INA: variants seen among roughly 807,000 people sequenced by gnomAD.
The protein encoded by INA is internexin neuronal intermediate filament protein alpha, also known as alpha-internexin.
Under a neutral mutation model 40.1 loss-of-function variants are expected in INA, and 35 were observed. That is an observed-to-expected ratio of 0.87 (90% CI 0.67 to 1.16). INA has a LOEUF of 1.16. Among genes scored for constraint, INA ranks in the 50% most tolerant of loss-of-function variants. The pLI is 0.00. For missense variants in INA, 594 were observed against 686.7 expected (o/e 0.87, Z 1.51); for synonymous variants, 290 against 316.9 (o/e 0.92, Z 0.90).
At chr10:103,284,804 A>G (rs989007074) in intron 1 of INA, among the ~76,000 whole-genome samples, 2 of 151,588 alleles carry the variant, frequency 1.3e-5, no homozygotes, top group African/African-American at 2.4e-5. Context: ...AAGAGCTGAG[A>G]GCAGGGTGGC....
chr10:103,282,145 T>G (rs1215780249), intron 1 of INA, among the ~76,000 whole-genome samples: 1 of 152,240 alleles, frequency 6.6e-6, no homozygotes, highest in Non-Finnish European at 1.5e-5. Context: ...AGGAGCAAAG[T>G]TGTGCTTTTC....
chr10:103,286,853 G>A (rs1315920922), intron 1 of INA, among the ~76,000 whole-genome samples, 182 bp from the exon 2 acceptor site: 1 of 152,092 alleles, frequency 6.6e-6, no homozygotes, highest in Non-Finnish European at 1.5e-5. Flanking sequence ...TGCAAATGCT[G>A]GGACCCCACC....
intron 1 of INA, 97 bp from the exon 2 acceptor site, chr10:103,286,938 T>C: frequency 7.8e-7 from 1 of 1,289,344 alleles, no homozygotes; most frequent in Non-Finnish European, 1.1e-6. Flanking sequence ...ATTAGATGAT[T>C]TTAATGTGTA....
chr10:103,277,189 C>A lies in INA; in HGVS notation c.-23C>A. ...TTCTGTAGCTCGCGTTGAAGCCGCA[C>A]GTCCGGCCCCGATCCCGGCACCATG... On this transcript the variant is annotated 5_prime_UTR_variant, in exon 1 of 3. Coordinates refer to ENST00000369849, the MANE Select transcript of INA (RefSeq NM_032727.4). The surrounding 1 kb of genome is among the most constrained non-coding windows in gnomAD (Gnocchi z 5.6). The A allele has an allele frequency of 1.3e-6, 2 of 1,557,864 alleles. No individual in the cohort carries two copies. The highest frequency in any genetic ancestry group is 1.7e-6 in the Non-Finnish European group (2 of 1,158,250).
In INA at chr10:103,285,358, C is replaced by T. The variant is rs565811033; in HGVS notation, c.1066-1677C>T. Reference sequence around the variant, plus strand: ...TTGCCCAAGCTGGAGTGCGGTGGTACGATCTCAGCTCACTGCAACCTCTGC... The same window carrying T: ...TTGCCCAAGCTGGAGTGCGGTGGTATGATCTCAGCTCACTGCAACCTCTGC... On this transcript the variant is annotated intron_variant, in intron 1 of 2. Coordinates refer to ENST00000369849, the MANE Select transcript of INA (RefSeq NM_032727.4). 5.3e-5 allele frequency among the ~76,000 whole-genome samples: 8 copies of T among 150,042 alleles called. No homozygotes were observed. The East Asian group carries it at 7.9e-4, about 15-fold the overall frequency.
chr10:103,282,531 A>G (rs2093074914), intron 1 of INA, among the ~76,000 whole-genome samples: 1 of 152,190 alleles, frequency 6.6e-6, no homozygotes, highest in Non-Finnish European at 1.5e-5. Flanking sequence ...ATGAGCATCA[A>G]CACTAATCCA....
In INA at chr10:103,278,096, C is replaced by T. The variant is rs7096855; in HGVS notation, c.885C>T (p.Asn295=). Residue 295 remains asparagine, a synonymous_variant, in exon 1 of 3, where the codon AAC becomes AAT. Coordinates refer to ENST00000369849, the MANE Select transcript of INA (RefSeq NM_032727.4). This position sits in a 1 kb window ranked among gnomAD's most constrained non-coding sequence, Gnocchi z 4.9. ...ACAAGTCCAAGTTTGCCAACCTGAA[C>T]GAGCAGGCGGCGCGCAGCACCGAGG... ...EWYKSKFANL[N]EQAARSTEAI... is the part of the protein sequence containing the mutation. 19,793 of 1,613,466 alleles carry T rather than the reference C, an allele frequency of 0.012. 425 individuals carry two copies. Among genetic ancestry groups the T allele is most frequent in the South Asian group, 0.07 (6,386 of 91,080 alleles).
intron 1 of INA, among the ~76,000 whole-genome samples, chr10:103,283,254 T>C (rs979358895): frequency 2.0e-5 from 3 of 152,204 alleles, no homozygotes; most frequent in Non-Finnish European, 4.4e-5. Flanking sequence ...TATTTTCTTC[T>C]TTCTCCTTTT....
chr10:103,281,335 T>C lies in INA; in HGVS notation c.1065+3059T>C, dbSNP rs190738729. 6.6e-5 allele frequency among the ~76,000 whole-genome samples: 10 copies of C among 152,286 alleles called. No homozygotes were observed. The East Asian group carries it at 1.9e-3, about 29-fold the overall frequency. ...GTGGATCCTAAACCCAGTGACACTC[T>C]AAGGTCAATTGGGGGCTTAAAAAAA... On this transcript the variant is annotated intron_variant, in intron 1 of 2. Transcript: ENST00000369849.
chr10:103,277,225 C>A lies in INA; in HGVS notation c.14C>A (p.Ser5Ter). The A allele has an allele frequency of 1.3e-6, 2 of 1,580,690 alleles. No individual in the cohort carries two copies. The highest frequency in any genetic ancestry group is 1.1e-5 in the South Asian group (1 of 88,432). The change falls in exon 1 of 3, where the codon TCG (serine) becomes TAG (stop). Residue 5 changes from serine to a stop codon, truncating the protein, a stop_gained. Coordinates refer to ENST00000369849, the MANE Select transcript of INA (RefSeq NM_032727.4). LOFTEE classifies it high-confidence loss of function. The surrounding 1 kb of genome is among the most constrained non-coding windows in gnomAD (Gnocchi z 5.6). MSFG[S>*]EHYLCSSSSY... is the part of the protein sequence containing the mutation. ...GATCCCGGCACCATGAGCTTCGGCTCGGAGCACTACCTGTGCTCCTCCTCC... is the reference window on the plus strand; with the variant it reads ...GATCCCGGCACCATGAGCTTCGGCTAGGAGCACTACCTGTGCTCCTCCTCC...
chr10:103,278,440 T>C lies in INA; in HGVS notation c.1065+164T>C, dbSNP rs1395578886. ...TAACAAAAAACCCTGGAGTCTTTAA[T>C]GTTAATTTTAGGGAACGCCCCTCAT... On this transcript the variant is annotated intron_variant, in intron 1 of 2. Transcript: ENST00000369849. This position sits in a 1 kb window ranked among gnomAD's most constrained non-coding sequence, Gnocchi z 4.9. Among the ~76,000 whole-genome samples, 2 of 152,238 alleles carry C rather than the reference T, an allele frequency of 1.3e-5. No individual in the cohort carries two copies. Among genetic ancestry groups the C allele is most frequent in the Admixed American group, 1.3e-4 (2 of 15,288 alleles).
rs1160735307 is a variant in INA, at chr10:103,277,996, C to T, written c.785C>T (p.Thr262Ile). 1.9e-6 allele frequency: 3 copies of T among 1,597,406 alleles called. No individual in the cohort carries two copies. The highest frequency in any genetic ancestry group is 2.6e-6 in the Non-Finnish European group (3 of 1,172,834). ...VDVTVAKPDL[T>I]SALREIRAQY... is the part of the protein sequence containing the mutation. Reference sequence around the variant, plus strand: ...GTGACTGTGGCTAAACCAGACCTGACCTCGGCTCTGAGGGAGATCCGCGCC... The same window carrying T: ...GTGACTGTGGCTAAACCAGACCTGATCTCGGCTCTGAGGGAGATCCGCGCC... The change falls in exon 1 of 3, where the codon ACC becomes ATC. Residue 262 changes from threonine to isoleucine, a missense_variant. Physicochemically the swap from Thr to Ile is moderately conservative, Grantham distance 89. Coordinates refer to ENST00000369849, the MANE Select transcript of INA (RefSeq NM_032727.4). This position sits in a 1 kb window ranked among gnomAD's most constrained non-coding sequence, Gnocchi z 5.6.
chr10:103,277,718 C>A lies in INA; in HGVS notation c.507C>A (p.Asp169Glu). 1.4e-6 allele frequency: 2 copies of A among 1,388,522 alleles called. No individual in the cohort carries two copies. Among genetic ancestry groups the A allele is most frequent in the Non-Finnish European group, 1.8e-6 (2 of 1,083,440 alleles). 86.0% of individuals were successfully genotyped at this position (1,388,522 alleles called of 1,614,324 possible). A position where few individuals can be genotyped will look rare whatever the true frequency, so the allele number is the denominator to read the frequency against. ...SARSQALLER[D>E]GLAEEVQRLR... is the part of the protein sequence containing the mutation. ...GCTCGCAGGCCCTGCTGGAGCGCGA[C>A]GGGCTGGCGGAGGAGGTGCAGCGGC... The change falls in exon 1 of 3, where the codon GAC becomes GAA. Residue 169 changes from aspartate to glutamate, a missense_variant. Asp to Glu is a conservative substitution (Grantham distance 45, BLOSUM62 2). This residue lies in a region of INA where 379 missense variants were observed against 496.1 expected (regional missense o/e 0.76). Coordinates refer to ENST00000369849, the MANE Select transcript of INA (RefSeq NM_032727.4). This position sits in a 1 kb window ranked among gnomAD's most constrained non-coding sequence, Gnocchi z 5.6.
chr10:103,282,556 G>A (rs1219222726), intron 1 of INA, among the ~76,000 whole-genome samples: 1 of 152,028 alleles, frequency 6.6e-6, no homozygotes, highest in Non-Finnish European at 1.5e-5. Context: ...CCGCACTTTG[G>A]GGCCATTTAG....
At position 103,278,353 on chromosome 10, in the gene INA, GC is replaced by G; in HGVS notation, c.1065+81del. ...TACCCTCTTCCTCTGGTAAAACTGG[GC>G]CCCAGGACTTAAGGGGAGGGCAAAA... On this transcript the variant is annotated intron_variant, in intron 1 of 2. Coordinates refer to ENST00000369849, the MANE Select transcript of INA (RefSeq NM_032727.4). This position sits in a 1 kb window ranked among gnomAD's most constrained non-coding sequence, Gnocchi z 4.9. The G allele has an allele frequency of 1.6e-6, 2 of 1,236,712 alleles. No homozygotes were observed. The highest frequency in any genetic ancestry group is 1.6e-5 in the South Asian group (1 of 63,320). The allele number at this position is 1,236,712 out of a possible 1,614,324, so 76.6% of individuals were successfully genotyped here.
rs1325532298 is a variant in INA at position 103,277,895 on chromosome 10, C to T, written c.684C>T (p.Arg228=). The T allele has an allele frequency of 6.5e-7, 1 of 1,550,370 alleles. No individual in the cohort carries two copies. The highest frequency in any genetic ancestry group is 1.4e-5 in the African/African-American group (1 of 73,042). ...ESLLDELAFV[R]QVHDEEVAEL... is the part of the protein sequence containing the mutation. ...TGCTGGACGAGCTGGCCTTCGTACG[C>T]CAGGTGCACGACGAGGAGGTAGCCG... Residue 228 remains arginine, a synonymous_variant, in exon 1 of 3, where the codon CGC becomes CGT. Transcript: ENST00000369849. This position sits in a 1 kb window ranked among gnomAD's most constrained non-coding sequence, Gnocchi z 5.6.
In INA at chr10:103,288,672, C is replaced by T. The variant is rs1357246987; in HGVS notation, c.*3C>T. ...CCATTTCAAGCCAAAAAATATAATT[C>T]CATTGCTTTGAAAAAGTTAATGCTT... On this transcript the variant is annotated 3_prime_UTR_variant, in exon 3 of 3. Coordinates refer to ENST00000369849, the MANE Select transcript of INA (RefSeq NM_032727.4). 3.2e-6 allele frequency: 5 copies of T among 1,548,188 alleles called. No individual in the cohort carries two copies. The East Asian group carries it at 1.1e-4, about 35-fold the overall frequency.
intron 1 of INA, chr10:103,280,283 G>A (rs1272303682): frequency 2.0e-6 from 2 of 985,298 alleles, no homozygotes; most frequent in Admixed American, 6.1e-5. Context: ...GGAAGAGGAG[G>A]TCAGACAACA....
At chr10:103,280,238 G>A in intron 1 of INA, 1 of 985,436 alleles carries the variant, frequency 1.0e-6, no homozygotes, top group Non-Finnish European at 1.2e-6. Context: ...ATCAGCTTGA[G>A]CCTTTAGAGC....
Sources: gnomAD v4.1 joint callset for allele counts (sites outside exome capture counted in the v4.1 genomes callset) on GRCh38, gnomAD v4.1.1 for gene constraint, gnomAD v4.1.1 regional missense constraint, Gnocchi (gnomAD v3.1) non-coding constraint, MANE v1.5 for transcripts, NCBI Gene and HGNC (gene_info 2026-07-23, HGNC 2026-07-21) for gene names.